GALNT14: variants seen among roughly 807,000 people sequenced by gnomAD.
The protein encoded by GALNT14 is UDP-GalNAc:polypeptide N-acetylgalactosaminyltransferase 14.
In GALNT14, 60 loss-of-function variants were observed where a neutral mutation model predicts 77.5. The observed-to-expected ratio is 0.77, with a 90% CI of 0.63 to 0.96. The LOEUF is 0.96. Ranked by LOEUF, GALNT14 falls within the 40% of genes least tolerant of loss-of-function variation. The pLI is 0.00. For synonymous variants in GALNT14, 280 were observed against 281.7 expected (o/e 0.99, Z 0.06); for missense variants, 710 against 731.0 (o/e 0.97, Z 0.33).
At chr2:31,087,506 A>AGAAGAGAGGAGAGGAGAGGC (rs1558560525) in intron 1 of GALNT14, among the ~76,000 whole-genome samples, 3 of 151,942 alleles carry the variant, frequency 2.0e-5, no homozygotes, top group Non-Finnish European at 2.9e-5. Context: ...AGAGGAGAGG[A>AGAAGAGAGGAGAGGAGAGGC]GAAGAGAGGA....
chr2:31,072,304 T>TACACACACACACAC (rs1211106519), intron 1 of GALNT14, among the ~76,000 whole-genome samples: 3 of 37,912 alleles, frequency 7.9e-5, no homozygotes, highest in Admixed American at 2.8e-4. Flanking sequence ...CACACACACA[T>TACACACACACACAC]ACACACACAC....
chr2:31,115,332 T>C (rs1386735248), intron 1 of GALNT14, among the ~76,000 whole-genome samples: 1 of 152,136 alleles, frequency 6.6e-6, no homozygotes, highest in Non-Finnish European at 1.5e-5. Context: ...GCAGATGTTA[T>C]CCACCTGTCT....
chr2:30,917,672 C>A (rs1052802515), intron 13 of GALNT14, among the ~76,000 whole-genome samples: 5 of 152,248 alleles, frequency 3.3e-5, no homozygotes, highest in African/African-American at 7.2e-5. Context: ...CATTCATTGT[C>A]TATTTAATTC....
At chr2:31,063,698 A>C (rs974131174) in intron 1 of GALNT14, among the ~76,000 whole-genome samples, 6 of 152,112 alleles carry the variant, frequency 3.9e-5, no homozygotes, top group Non-Finnish European at 8.8e-5. Flanking sequence ...ATGAGCATGG[A>C]ATGTTTTTCC....
At chr2:30,925,798 G>C (rs908170493) in intron 11 of GALNT14, among the ~76,000 whole-genome samples, 2 of 152,186 alleles carry the variant, frequency 1.3e-5, no homozygotes, top group African/African-American at 4.8e-5. Flanking sequence ...CAGGGCAAGA[G>C]GTGGTTTGTA....
chr2:31,069,510 G>A (rs1364431451), intron 1 of GALNT14, among the ~76,000 whole-genome samples: 1 of 152,188 alleles, frequency 6.6e-6, no homozygotes, highest in Non-Finnish European at 1.5e-5. Context: ...TGGAGTCTCT[G>A]AGAGGTTGAA....
At chr2:31,085,918 C>T (rs1676406411) in intron 1 of GALNT14, among the ~76,000 whole-genome samples, 1 of 152,234 alleles carries the variant, frequency 6.6e-6, no homozygotes, top group African/African-American at 2.4e-5. Context: ...AAGGACAGGA[C>T]TTACATGGCG....
chr2:31,000,237 T>C (rs529956295), intron 1 of GALNT14, among the ~76,000 whole-genome samples: 4 of 152,168 alleles, frequency 2.6e-5, no homozygotes, highest in African/African-American at 4.8e-5. Flanking sequence ...GAAGTGGGGA[T>C]ATAGGAAGCT....
chr2:31,026,765 C>T (rs1018074868), intron 1 of GALNT14, among the ~76,000 whole-genome samples: 2 of 152,198 alleles, frequency 1.3e-5, no homozygotes, highest in Non-Finnish European at 2.9e-5. Context: ...GACGTTCTCC[C>T]ATGCCATCAT....
intron 1 of GALNT14, among the ~76,000 whole-genome samples, chr2:30,996,278 G>A (rs988509012): frequency 4.6e-5 from 7 of 152,236 alleles, no homozygotes; most frequent in South Asian, 2.1e-4. Context: ...TAGCAAGGCC[G>A]GAATGTGGAT....
intron 1 of GALNT14, chr2:31,129,318 T>C (rs2148649252): frequency 1.1e-6 from 1 of 930,440 alleles, no homozygotes; most frequent in East Asian, 1.2e-4. Flanking sequence ...CAACTGTGGA[T>C]ATAAATGCTT....
chr2:31,075,366 C>A (rs990352255), intron 1 of GALNT14, among the ~76,000 whole-genome samples: 6 of 152,206 alleles, frequency 3.9e-5, no homozygotes, highest in Non-Finnish European at 7.3e-5. Context: ...CAAACTAGCA[C>A]ACATCTTTCA....
At chr2:30,990,657 T>A (rs901885927) in intron 2 of GALNT14, among the ~76,000 whole-genome samples, 1 of 152,230 alleles carries the variant, frequency 6.6e-6, no homozygotes, top group South Asian at 2.1e-4. Flanking sequence ...GCTTTGCACA[T>A]AGTAGGTGAT....
intron 14 of GALNT14, 57 bp from the exon 15 acceptor site, chr2:30,911,116 C>T: frequency 6.5e-7 from 1 of 1,540,496 alleles, no homozygotes; most frequent in South Asian, 1.2e-5. Context: ...CATGGGAGTT[C>T]CAGCTTTATC....
In GALNT14 at chr2:30,942,319, G is replaced by A; in HGVS notation, c.828-15C>T. On this transcript the variant is annotated splice_polypyrimidine_tract_variant and intron_variant, in intron 8 of 14. Transcript: ENST00000349752. ...TGATAGGAGTCCTGTGCATTTGGAA[G>A]AAAAAGAGAGGGGATCAGTTCTAGT... is the stretch of plus-strand genomic sequence containing the variant. The A allele has an allele frequency of 6.3e-7, 1 of 1,592,394 alleles. No homozygotes were observed. The highest frequency in any genetic ancestry group is 8.6e-7 in the Non-Finnish European group (1 of 1,161,226).
At chr2:30,973,863 A>G (rs1668493794) in intron 2 of GALNT14, among the ~76,000 whole-genome samples, 1 of 152,216 alleles carries the variant, frequency 6.6e-6, no homozygotes, top group Non-Finnish European at 1.5e-5. Flanking sequence ...TTAACATAAC[A>G]GTGAGATTCG....
In GALNT14 at chr2:31,036,418, C is replaced by A. The variant is rs192767798; in HGVS notation, c.130-43411G>T. 1.4e-3 allele frequency among the ~76,000 whole-genome samples: 207 copies of A among 152,328 alleles called. 2 individuals are homozygous for A. The highest frequency in any genetic ancestry group is 4.6e-3 in the African/African-American group (191 of 41,574). On this transcript the variant is annotated intron_variant, in intron 1 of 14. Coordinates refer to ENST00000349752, the MANE Select transcript of GALNT14 (RefSeq NM_024572.4). The stretch of plus-strand genomic sequence containing the variant: ...TTTCCTCATACCTCTTTTCCCTCCT[C>A]CCCACTTTGTGTAGAGAACTGTCAT...
intron 9 of GALNT14, among the ~76,000 whole-genome samples, chr2:30,932,961 T>C (rs1665829994): frequency 3.9e-5 from 6 of 152,132 alleles, no homozygotes; most frequent in Admixed American, 2.0e-4. Flanking sequence ...TGGCTGCTGC[T>C]ATGGGCCCTC....
chr2:30,982,566 T>G (rs1041353279), intron 2 of GALNT14, among the ~76,000 whole-genome samples: 1 of 152,208 alleles, frequency 6.6e-6, no homozygotes, highest in African/African-American at 2.4e-5. Flanking sequence ...CATGAGTACA[T>G]ACTGTGTAAT....
Sources: allele counts gnomAD v4.1 joint callset (sites outside exome capture counted in the v4.1 genomes callset), GRCh38; gene constraint gnomAD v4.1.1; transcripts MANE v1.5; gene names NCBI Gene and HGNC (gene_info 2026-07-23, HGNC 2026-07-21).